The following AP5Z1 variants were observed in gnomAD, a reference collection of about 807,000 sequenced individuals.
AP5Z1 encodes the protein adaptor related protein complex 5 subunit zeta 1.
A neutral mutation model predicts 83.0 loss-of-function variants in AP5Z1; 106 were observed. The ratio of observed to expected loss-of-function variants is 1.28; its 90% CI spans 1.09 to 1.50. The LOEUF (loss-of-function observed/expected upper bound fraction) is 1.50, where lower values mean the gene tolerates loss of function less well. AP5Z1 is among the 40% of genes most tolerant of loss of function. The pLI is 0.00. For synonymous variants in AP5Z1, 751 were observed against 514.1 expected (o/e 1.46, Z -6.23); for missense variants, 1,565 against 1,094.2 (o/e 1.43, Z -6.07).
intron 10 of AP5Z1, among the ~76,000 whole-genome samples, chr7:4,787,177 A>AAATT (rs1241815665): frequency 6.6e-6 from 1 of 152,076 alleles, no homozygotes; most frequent in Non-Finnish European, 1.5e-5. Flanking sequence ...GGACAGTGGA[A>AAATT]AATTATTGAC....
At chr7:4,787,859 C>G in intron 11 of AP5Z1, 83 bp downstream of exon 11, 1 of 1,442,650 alleles carries the variant, frequency 6.9e-7, no homozygotes, top group South Asian at 1.4e-5. Context: ...TGCTCCTGAC[C>G]CCTACACCGG....
rs547245020 is a variant in AP5Z1 at position 4,790,455 on chromosome 7, G to A, written c.1806-4G>A. 16 of 1,613,070 alleles carry A rather than the reference G, an allele frequency of 9.9e-6. No homozygotes were observed. The African/African-American group carries it at 1.9e-4, about 19-fold the overall frequency. ...AGCAGGCGTAGACCCGGCTTTCTGG[G>A]CAGTGTGCTGAGTTCTCAGTTCCTG... On this transcript the variant is annotated splice_region_variant and splice_polypyrimidine_tract_variant and intron_variant, in intron 14 of 16. Transcript: ENST00000649063.
intron 1 of AP5Z1, among the ~76,000 whole-genome samples, chr7:4,777,940 C>T (rs574349808): frequency 1.1e-3 from 160 of 152,328 alleles, no homozygotes; most frequent in South Asian, 7.5e-3. Context: ...GCCGGCCAGG[C>T]GCAGTGACTG....
intron 10 of AP5Z1, among the ~76,000 whole-genome samples, chr7:4,786,791 A>T (rs1781559674): frequency 6.7e-6 from 1 of 150,144 alleles, no homozygotes; most frequent in South Asian, 2.1e-4. Flanking sequence ...TTCTTTTGAG[A>T]TGGAGTCTCA....
rs1781440365 is a variant in AP5Z1 at position 4,783,447 on chromosome 7, C to T, written c.498C>T (p.Gly166=). Residue 166 remains glycine, a synonymous_variant, in exon 4 of 17, where the codon GGC becomes GGT. Transcript: ENST00000649063. ...CCAAGGTCGTGGTCCTCAGCCCGGG[C>T]ACCCTCCAGGAGGGTACGCGGGGCC... ...VMAKVVVLSP[G]TLQEDQATLL... 1 of 1,612,588 alleles carries T rather than the reference C, an allele frequency of 6.2e-7. No homozygotes were observed. The highest frequency in any genetic ancestry group is 8.5e-7 in the Non-Finnish European group (1 of 1,179,678).
intron 2 of AP5Z1, 44 bp downstream of exon 2, chr7:4,781,356 C>G (rs1243459902): frequency 1.2e-6 from 2 of 1,608,872 alleles, no homozygotes; most frequent in Non-Finnish European, 1.7e-6. Context: ...CACAGCGGCC[C>G]CAGGAGAACC....
rs878854988 is a variant in AP5Z1, at chr7:4,791,322, G to A, written c.2361G>A (p.Leu787=). ...PRYHRDANTA[L]PLALRTVSRL... ...ATCACCGCGATGCCAACACGGCCCT[G>A]CCCCTGGCCCTGCGCACGGTCAGCC... The change falls in exon 17 of 17, where the codon CTG becomes CTA. Residue 787 remains leucine, a synonymous_variant. Coordinates refer to ENST00000649063, the MANE Select transcript of AP5Z1 (RefSeq NM_014855.3). 2.5e-6 allele frequency: 4 copies of A among 1,610,442 alleles called. No homozygotes were observed. Among genetic ancestry groups the A allele is most frequent in the Non-Finnish European group, 3.4e-6 (4 of 1,178,388 alleles).
At position 4,787,744 on chromosome 7, in the gene AP5Z1, C is replaced by G. The variant is rs763844598; in HGVS notation, c.1422C>G (p.Pro474=). The G allele has an allele frequency of 5.7e-5, 88 of 1,544,922 alleles. No individual in the cohort carries two copies. Among genetic ancestry groups the G allele is most frequent in the Non-Finnish European group, 7.1e-5 (82 of 1,148,400 alleles). Reference sequence around the variant, plus strand: ...TGCTGCACGCGCTGCTGGACCTGCCCTGCTTGACGGCGGTGCTGGACCTGC... The same window carrying G: ...TGCTGCACGCGCTGCTGGACCTGCCGTGCTTGACGGCGGTGCTGGACCTGC... ...LEMLHALLDL[P]CLTAVLDLQL... is the part of the protein sequence containing the mutation. Residue 474 remains proline (P), a synonymous_variant, in exon 11 of 17, where the codon CCC becomes CCG. Transcript: ENST00000649063.
intron 12 of AP5Z1, 82 bp downstream of exon 12, chr7:4,788,376 C>T: frequency 1.4e-6 from 2 of 1,444,532 alleles, no homozygotes; most frequent in Middle Eastern, 2.5e-4. Context: ...ACTGCTCAGC[C>T]CTAGGCTGAG....
Position 4,781,640 on chromosome 7 carries a change from G to A in AP5Z1, c.252G>A (p.Val84=). The change falls in exon 3 of 17, where the codon GTG becomes GTA. Residue 84 remains valine, a synonymous_variant. Coordinates refer to ENST00000649063, the MANE Select transcript of AP5Z1 (RefSeq NM_014855.3). ...CTGCATGCCCCGAGCAGCTCCAGGT[G>A]CTTTGCGCCGCCATCCTGCGAGAGA... ...GLPACPEQLQ[V]LCAAILREMS... The A allele has an allele frequency of 6.2e-7, 1 of 1,606,946 alleles. No homozygotes were observed. The highest frequency in any genetic ancestry group is 1.1e-5 in the South Asian group (1 of 90,988).
At chr7:4,779,095 AATAT>A (rs1328197648) in intron 1 of AP5Z1, among the ~76,000 whole-genome samples, 1 of 141,692 alleles carries the variant, frequency 7.1e-6, no homozygotes, top group Non-Finnish European at 1.5e-5. Context: ...ATATATATAA[AATAT>A]ATATTATATA....
intron 13 of AP5Z1, 99 bp from the exon 14 acceptor site, chr7:4,789,733 C>A: frequency 1.2e-6 from 1 of 846,996 alleles, no homozygotes; most frequent in Non-Finnish European, 1.8e-6. Context: ...GAGTCTCCAG[C>A]CCCTCACCTG....
chr7:4,779,206 A>G (rs906204878), intron 1 of AP5Z1, among the ~76,000 whole-genome samples: 1 of 146,136 alleles, frequency 6.8e-6, no homozygotes, highest in African/African-American at 2.5e-5. Context: ...AATATATAGC[A>G]TATATTATGT....
At chr7:4,783,553 G>A (rs555148843) in intron 4 of AP5Z1, 93 bp downstream of exon 4, 3 of 1,553,464 alleles carry the variant, frequency 1.9e-6, no homozygotes, top group East Asian at 2.3e-5. Context: ...TGGGGGGCAG[G>A]TGGGGGACAC....
Position 4,791,407 on chromosome 7 carries a change from C to G in AP5Z1, c.*22C>G. ...GTGAAGGGACAGTGGCCAGGGACTT[C>G]GGTGCAGATTAAGAGCCTGGGCAGC... On this transcript the variant is annotated 3_prime_UTR_variant, in exon 17 of 17. Coordinates refer to ENST00000649063, the MANE Select transcript of AP5Z1 (RefSeq NM_014855.3). 2 of 1,589,266 alleles carry G rather than the reference C, an allele frequency of 1.3e-6. No homozygotes were observed. Among genetic ancestry groups the G allele is most frequent in the South Asian group, 1.1e-5 (1 of 88,128 alleles).
At position 4,785,651 on chromosome 7, in the gene AP5Z1, C is replaced by T. The variant is rs752201640; in HGVS notation, c.1099C>T (p.Leu367=). The T allele has an allele frequency of 9.6e-6, 15 of 1,554,830 alleles. No homozygotes were observed. Among genetic ancestry groups the T allele is most frequent in the Non-Finnish European group, 1.1e-5 (13 of 1,152,426 alleles). ...CGGGGACCCGGCCTCTGTGCGGGTG[C>T]TGCTGCCCCTCGCCCACTTCTTCCT... The part of the protein sequence containing the change: ...VRGDPASVRV[L]LPLAHFFLSH... The change falls in exon 9 of 17, where the codon CTG becomes TTG. Residue 367 remains leucine, a synonymous_variant. Transcript: ENST00000649063.
intron 5 of AP5Z1, 150 bp from the exon 6 acceptor site, chr7:4,784,053 G>A: frequency 9.9e-7 from 1 of 1,012,568 alleles, no homozygotes; most frequent in Non-Finnish European, 1.4e-6. Flanking sequence ...GGTCAGGTGG[G>A]GATGGTGTTT....
chr7:4,791,932 C>G lies in AP5Z1; in HGVS notation c.*547C>G, dbSNP rs1486564696. ...AGCCCGGAAGGCAGCGGCGCGAGTT[C>G]CCGGGTGTGGTCACCGCTCTGGGTG... On this transcript the variant is annotated 3_prime_UTR_variant, in exon 17 of 17. Transcript: ENST00000649063. 6.5e-6 allele frequency: 1 copy of G among 153,662 alleles called. No individual in the cohort carries two copies. Among genetic ancestry groups the G allele is most frequent in the Non-Finnish European group, 1.4e-5 (1 of 69,050 alleles). The allele number at this position is 153,662 out of a possible 1,614,324, so 9.5% of individuals were successfully genotyped here.
chr7:4,786,013 G>T (rs1401113917), intron 9 of AP5Z1, among the ~76,000 whole-genome samples: 1 of 152,234 alleles, frequency 6.6e-6, no homozygotes, highest in Non-Finnish European at 1.5e-5. Flanking sequence ...CAGGAAACCT[G>T]AAAGTCTAGG....
Sources: allele counts gnomAD v4.1 joint callset (sites outside exome capture counted in the v4.1 genomes callset), GRCh38; gene constraint gnomAD v4.1.1; transcripts MANE v1.5; gene names NCBI Gene and HGNC (gene_info 2026-07-23, HGNC 2026-07-21).